PMEL: variants seen among roughly 807,000 people sequenced by gnomAD.
PMEL encodes the protein premelanosome protein.
Under a neutral mutation model 64.9 loss-of-function variants are expected in PMEL, and 53 were observed. That is an observed-to-expected ratio of 0.82 (90% CI 0.66 to 1.03). The LOEUF is 1.03. Ranked by LOEUF, PMEL falls within the 50% of genes least tolerant of loss-of-function variation. The probability of loss-of-function intolerance (pLI) is 0.00; values close to 1 mark genes in which losing one functional copy is unlikely to be tolerated. For synonymous variants in PMEL, 299 were observed against 316.2 expected, an observed-to-expected ratio of 0.95 and a Z score of 0.58; for missense variants, 716 against 814.9, an observed-to-expected ratio of 0.88 and a Z score of 1.48.
At chr12:55,962,832 GTT>G (rs1034854514) in intron 1 of PMEL, among the ~76,000 whole-genome samples, 4 of 150,656 alleles carry the variant, frequency 2.7e-5, no homozygotes, top group African/African-American at 9.7e-5. Flanking sequence ...CGCCTCGCCT[GTT>G]TTGTTTTAAA....
At chr12:55,955,975 A>C in intron 7 of PMEL, 112 bp from the exon 8 acceptor site, 1 of 1,147,490 alleles carries the variant, frequency 8.7e-7, no homozygotes, top group African/African-American at 1.5e-5. Flanking sequence ...GTGCTTTCAA[A>C]TGAGGACTCT....
At position 55,957,474 on chromosome 12, in the gene PMEL, T is replaced by C; in HGVS notation, c.829A>G (p.Thr277Ala). ...GTLISRALVVTHTYLEPGPVT... is the reference protein window; with the variant it reads ...GTLISRALVVAHTYLEPGPVT... ...GGGCCAGGCTCCAGGTAAGTATGAG[T>C]GACCACAAGTGCCCGAGAGATCAGG... The change falls in exon 6 of 11, where the codon ACT (threonine) becomes GCT (alanine). Residue 277 changes from threonine (T) to alanine (A), a missense_variant. Physicochemically the swap from Thr to Ala is moderately conservative, Grantham distance 58. Coordinates refer to ENST00000548747, the MANE Select transcript of PMEL (RefSeq NM_001384361.1). 2 of 1,613,866 alleles carry C rather than the reference T, an allele frequency of 1.2e-6. No homozygotes were observed. The highest frequency in any genetic ancestry group is 1.7e-6 in the Non-Finnish European group (2 of 1,179,978).
chr12:55,965,932 A>G lies in PMEL; in HGVS notation c.76+4T>C. 1 of 1,614,162 alleles carries G rather than the reference A, an allele frequency of 6.2e-7. No homozygotes were observed. Among genetic ancestry groups the G allele is most frequent in the South Asian group, 1.1e-5 (1 of 91,084 alleles). On this transcript the variant is annotated splice_donor_region_variant and intron_variant, in intron 1 of 10. Coordinates refer to ENST00000548747, the MANE Select transcript of PMEL (RefSeq NM_001384361.1). ...CCTGCTCATGTCCACATATCCACACATACCTTTTGTAGCCCCCACAGCCAG... is the reference window on the plus strand; with the variant it reads ...CCTGCTCATGTCCACATATCCACACGTACCTTTTGTAGCCCCCACAGCCAG...
upstream of PMEL, chr12:55,966,177 T>TTTGTC: frequency 9.6e-7 from 1 of 1,036,610 alleles, no homozygotes; most frequent in Non-Finnish European, 1.4e-6. Context: ...TCCTGGTCCC[T>TTTGTC]AGACATTGCT....
intron 6 of PMEL, among the ~76,000 whole-genome samples, chr12:55,956,709 A>G (rs1888896914): frequency 1.3e-5 from 2 of 152,218 alleles, no homozygotes; most frequent in South Asian, 4.1e-4. Context: ...CGTTCTCAGC[A>G]GTAGAGAAAG....
intron 1 of PMEL, among the ~76,000 whole-genome samples, chr12:55,963,582 T>C (rs947535640): frequency 3.3e-5 from 5 of 152,198 alleles, no homozygotes; most frequent in African/African-American, 1.2e-4. Context: ...TCTGGAAAAA[T>C]GTCTTATGAT....
intron 10 of PMEL, 79 bp from the exon 11 acceptor site, chr12:55,954,428 AC>A: frequency 6.9e-7 from 1 of 1,455,078 alleles, no homozygotes; most frequent in South Asian, 1.2e-5. Flanking sequence ...AAGGGAACAC[AC>A]CCATATCCCA....
At chr12:55,965,506 G>T (rs761234669) in intron 1 of PMEL, among the ~76,000 whole-genome samples, 7 of 144,828 alleles carry the variant, frequency 4.8e-5, no homozygotes, top group Non-Finnish European at 7.5e-5. Context: ...CAGAACAAAA[G>T]GTCTGGGCTG....
chr12:55,957,765 C>T (rs1191358444), intron 5 of PMEL, 94 bp from the exon 6 acceptor site: 9 of 1,520,278 alleles, frequency 5.9e-6, no homozygotes, highest in Non-Finnish European at 8.0e-6. Context: ...ACTGGCTGGC[C>T]CTTCACTGGC....
At chr12:55,961,834 A>ATTTT (rs1201947206) in intron 1 of PMEL, 102 bp from the exon 2 acceptor site, 27 of 510,968 alleles carry the variant, frequency 5.3e-5, no homozygotes, top group Middle Eastern at 4.7e-4. Context: ...TTCGAAGTGC[A>ATTTT]TTTTTTTTTT....
chr12:55,957,870 C>A, intron 5 of PMEL, 53 bp downstream of exon 5: 1 of 1,601,992 alleles, frequency 6.2e-7, no homozygotes, highest in South Asian at 1.1e-5. Context: ...CCATCCAAGC[C>A]TCCCTGCCTT....
chr12:55,957,343 A>G lies in PMEL; in HGVS notation c.960T>C (p.Pro320=). The G allele has an allele frequency of 6.3e-7, 1 of 1,598,266 alleles. No homozygotes were observed. The highest frequency in any genetic ancestry group is 8.5e-7 in the Non-Finnish European group (1 of 1,170,538). Residue 320 remains proline (P), a synonymous_variant, in exon 6 of 11, where the codon CCT becomes CCC. Coordinates refer to ENST00000548747, the MANE Select transcript of PMEL (RefSeq NM_001384361.1). ...TDGHRPTAEA[P]NTTAGQVPTT... The stretch of plus-strand genomic sequence containing the variant: ...TAGGCACTTGGCCAGCTGTGGTGTT[A>G]GGGGCCTCTGCAGTTGGCCTGTGCC...
intron 1 of PMEL, among the ~76,000 whole-genome samples, chr12:55,963,186 T>C (rs1889171238): frequency 6.6e-6 from 1 of 151,874 alleles, no homozygotes; most frequent in Non-Finnish European, 1.5e-5. Context: ...CTTTTGAACA[T>C]GATCAAATTT....
rs543262573 is a variant in PMEL at position 55,957,094 on chromosome 12, T to C, written c.1209A>G (p.Ala403=). ...STPEATGMTP[A]EVSIVVLSGT... is the part of the protein sequence containing the mutation. ...CAGAAAGCACCACAATTGATACCTCTGCAGGTGTCATACCTGTAGCCTCTG... is the reference window on the plus strand; with the variant it reads ...CAGAAAGCACCACAATTGATACCTCCGCAGGTGTCATACCTGTAGCCTCTG... Residue 403 remains alanine, a synonymous_variant, in exon 6 of 11, where the codon GCA becomes GCG. Transcript: ENST00000548747. 1.9e-5 allele frequency: 30 copies of C among 1,614,246 alleles called. No homozygotes were observed. In the South Asian group the frequency reaches 2.2e-4, roughly 12 times the overall value.
In PMEL at chr12:55,956,156, A is replaced by C; in HGVS notation, c.1418T>G (p.Leu473Arg). The C allele has an allele frequency of 1.9e-6, 3 of 1,614,108 alleles. No homozygotes were observed. Among genetic ancestry groups the C allele is most frequent in the Non-Finnish European group, 2.5e-6 (3 of 1,179,946 alleles). Reference protein sequence around the residue: ...TLRLVKRQVPLDCVLYRYGSF... With the variant: ...TLRLVKRQVPRDCVLYRYGSF... ...ACCATATCGATACAGAACACAATCC[A>C]GGGGGACTTGTCTCTTCACCAGCCT... is the stretch of plus-strand genomic sequence containing the variant. The change falls in exon 7 of 11, where the codon CTG becomes CGG. Residue 473 changes from leucine to arginine, a missense_variant. Coordinates refer to ENST00000548747, the MANE Select transcript of PMEL (RefSeq NM_001384361.1).
chr12:55,965,312 G>C (rs1381150178), intron 1 of PMEL, among the ~76,000 whole-genome samples: 7 of 152,158 alleles, frequency 4.6e-5, no homozygotes, highest in Middle Eastern at 3.4e-3. Flanking sequence ...CCCACCACTA[G>C]AACAAGAGAA....
At position 55,956,919 on chromosome 12, in the gene PMEL, C is replaced by T. The variant is rs371602972; in HGVS notation, c.1354+30G>A. 8 of 1,602,606 alleles carry T rather than the reference C, an allele frequency of 5.0e-6. No homozygotes were observed. In the African/African-American group the frequency reaches 6.7e-5, roughly 13 times the overall value. ...AGAGTAGAGTAGGGTACCCCACCTCCGTGAACCTCATTCGCACTGATACTC... is the reference window on the plus strand; with the variant it reads ...AGAGTAGAGTAGGGTACCCCACCTCTGTGAACCTCATTCGCACTGATACTC... On this transcript the variant is annotated intron_variant, in intron 6 of 10. Coordinates refer to ENST00000548747, the MANE Select transcript of PMEL (RefSeq NM_001384361.1).
At position 55,958,061 on chromosome 12, in the gene PMEL, C is replaced by T. The variant is rs1287947748; in HGVS notation, c.493G>A (p.Gly165Ser). The change falls in exon 5 of 11, where the codon GGC becomes AGC. Residue 165 changes from glycine (G) to serine (S), a missense_variant. Transcript: ENST00000548747. ...TWGQYWQVLG[G>S]PVSGLSIGTG... ...CCAATGCTCAGCCCAGACACTGGGCCCCCTAGAACTTGCCAGTATTGGCCT... is the reference window on the plus strand; with the variant it reads ...CCAATGCTCAGCCCAGACACTGGGCTCCCTAGAACTTGCCAGTATTGGCCT... The T allele has an allele frequency of 9.9e-6, 16 of 1,614,108 alleles. No homozygotes were observed. Among genetic ancestry groups the T allele is most frequent in the Non-Finnish European group, 1.3e-5 (15 of 1,179,986 alleles).
At chr12:55,958,128 T>C in intron 4 of PMEL, 44 bp from the exon 5 acceptor site, 1 of 1,602,888 alleles carries the variant, frequency 6.2e-7, no homozygotes, top group Non-Finnish European at 8.5e-7. Context: ...AGATTACTGG[T>C]CAAAGGGGAC....
Sources: allele counts gnomAD v4.1 joint callset (sites outside exome capture counted in the v4.1 genomes callset), GRCh38; gene constraint gnomAD v4.1.1; transcripts MANE v1.5; gene names NCBI Gene and HGNC (gene_info 2026-07-23, HGNC 2026-07-21).